The following PCDH19 variants were observed in gnomAD, a reference collection of about 807,000 sequenced individuals.
PCDH19 encodes protocadherin 19, also known as protocadherin-19.
Under a neutral mutation model 46.2 loss-of-function variants are expected in PCDH19, and 6 were observed. The ratio of observed to expected loss-of-function variants is 0.13; its 90% CI spans 0.07 to 0.26. PCDH19 has a LOEUF of 0.26. PCDH19 is among the 10% of genes least tolerant of loss of function. PCDH19 has a pLI of 1.00. For missense variants in PCDH19, 740 were observed against 972.3 expected (o/e 0.76, Z 3.18); for synonymous variants, 481 against 415.7 (o/e 1.16, Z -1.91).
chrX:100,389,321 T>C (rs1160134231), intron 3 of PCDH19, among the ~76,000 whole-genome samples: 1 of 109,912 alleles, frequency 9.1e-6, no homozygotes, highest in African/African-American at 3.3e-5. Flanking sequence ...ATTGAAGCAT[T>C]AATTAATGAA....
intron 1 of PCDH19, among the ~76,000 whole-genome samples, chrX:100,406,030 T>C (rs772805555): frequency 9.0e-6 from 1 of 110,498 alleles, no homozygotes; most frequent in Admixed American, 9.6e-5. Flanking sequence ...CAACACTCCC[T>C]CTCCTTTCAT....
chrX:100,409,841 G>T lies in PCDH19; in HGVS notation c.-1244C>A. 3.6e-6 allele frequency: 1 copy of T among 281,581 alleles called. No homozygotes were observed. The highest frequency in any genetic ancestry group is 6.2e-6 in the Non-Finnish European group (1 of 161,896). The allele number at this position is 281,581 out of a possible 1,213,427, so 23.2% of individuals were successfully genotyped here. A position where few individuals can be genotyped will look rare whatever the true frequency, so the allele number is the denominator to read the frequency against. ...GCCGCCGAAGTTTACTTGCAGGAGC[G>T]TCTTGATTTCATCTTCCCGGAGAGG... On this transcript the variant is annotated 5_prime_UTR_variant, in exon 1 of 6. Transcript: ENST00000373034.
chrX:100,406,980 G>A lies in PCDH19; in HGVS notation c.1618C>T (p.Leu540Phe), dbSNP rs374593325. ...EFKVLAKDGG[L>F]PSLQSNATVR... Reference sequence around the variant, plus strand: ...GTAGCGTTGCTTTGCAGTGAGGGAAGGCCGCCGTCCTTGGCCAGCACCTTG... The same window carrying A: ...GTAGCGTTGCTTTGCAGTGAGGGAAAGCCGCCGTCCTTGGCCAGCACCTTG... The change falls in exon 1 of 6, where the codon CTT becomes TTT. Residue 540 changes from leucine to phenylalanine, a missense_variant. Physicochemically the swap from Leu to Phe is conservative, Grantham distance 22. Coordinates refer to ENST00000373034, the MANE Select transcript of PCDH19 (RefSeq NM_001184880.2). The A allele has an allele frequency of 3.5e-4, 423 of 1,210,262 alleles. No individual in the cohort carries two copies. The South Asian group carries it at 6.3e-3, about 18-fold the overall frequency.
intron 3 of PCDH19, among the ~76,000 whole-genome samples, chrX:100,367,997 C>T (rs1927116278): frequency 9.0e-6 from 1 of 111,214 alleles, no homozygotes; most frequent in Non-Finnish European, 1.9e-5. Context: ...GAGAGAAAGA[C>T]AGAACGTAAG....
intron 5 of PCDH19, among the ~76,000 whole-genome samples, chrX:100,310,071 C>A (rs935591249): frequency 2.7e-5 from 3 of 112,111 alleles, no homozygotes; most frequent in African/African-American, 9.7e-5. Context: ...TAAAAAGATG[C>A]CCCTTTCAGA....
intron 3 of PCDH19, among the ~76,000 whole-genome samples, chrX:100,364,231 T>C (rs1019927522): frequency 4.5e-5 from 5 of 110,788 alleles, no homozygotes; most frequent in African/African-American, 1.6e-4. Context: ...CAGGGGCAAA[T>C]TGACCAGAGC....
chrX:100,312,063 A>G (rs756351909), intron 5 of PCDH19, among the ~76,000 whole-genome samples: 2 of 111,333 alleles, frequency 1.8e-5, no homozygotes, highest in African/African-American at 6.5e-5. Flanking sequence ...CTCTATTCAA[A>G]TATCAGTTTT....
At chrX:100,360,775 T>TAA (rs1926857152) in intron 3 of PCDH19, among the ~76,000 whole-genome samples, 1 of 111,989 alleles carries the variant, frequency 8.9e-6, no homozygotes, top group Non-Finnish European at 1.9e-5. Flanking sequence ...TCTAGCAACT[T>TAA]AAACAAGCAT....
At position 100,322,865 on chromosome X, in the gene PCDH19, A is replaced by ATATATATTTTTT; in HGVS notation, c.2848+19037_2848+19038insAAAAAATATATA. ...TATATATATATATATATATATATATATTTTTGCAGCTATTGTAAAAGGGGT... is the reference window on the plus strand; with the variant it reads ...TATATATATATATATATATATATATATATATATTTTTTTTTTTGCAGCTATTGTAAAAGGGGT... On this transcript the variant is annotated intron_variant, in intron 5 of 5. Transcript: ENST00000373034. Among the ~76,000 whole-genome samples, 57 of 54,406 alleles carry ATATATATTTTTT rather than the reference A, an allele frequency of 1.0e-3. 1 individual carries two copies. Among genetic ancestry groups the ATATATATTTTTT allele is most frequent in the Middle Eastern group, 0.013 (1 of 77 alleles). The allele number at this position is 54,406 out of a possible 115,157, so 47.2% of individuals were successfully genotyped here.
intron 5 of PCDH19, among the ~76,000 whole-genome samples, chrX:100,340,430 T>G (rs1226829183): frequency 8.9e-6 from 1 of 112,477 alleles, no homozygotes; most frequent in Non-Finnish European, 1.9e-5. Context: ...TTTCTTGATA[T>G]AAATGAAAAA....
rs1924470295 is a variant in PCDH19, at chrX:100,292,896, C to T, written c.*3381G>A. ...GGGGAACATTCAACATCAAAATGATCCCCAGAAAGTGGATTGGAATTCCAG... is the reference window on the plus strand; with the variant it reads ...GGGGAACATTCAACATCAAAATGATTCCCAGAAAGTGGATTGGAATTCCAG... On this transcript the variant is annotated 3_prime_UTR_variant, in exon 6 of 6. Transcript: ENST00000373034. The T allele has an allele frequency of 9.0e-6, 1 of 111,600 alleles. No individual in the cohort carries two copies. The highest frequency in any genetic ancestry group is 3.3e-5 in the African/African-American group (1 of 30,683). The allele number at this position is 111,600 out of a possible 1,213,427, so 9.2% of individuals were successfully genotyped here. A position where few individuals can be genotyped will look rare whatever the true frequency, so the allele number is the denominator to read the frequency against.
At chrX:100,344,864 C>A (rs1208083252) in intron 4 of PCDH19, among the ~76,000 whole-genome samples, 3 of 105,158 alleles carry the variant, frequency 2.9e-5, no homozygotes, top group Non-Finnish European at 5.8e-5. Flanking sequence ...CAGTAGTGAC[C>A]CCCACTTAAA....
Position 100,304,952 on chromosome X carries a change from G to A in PCDH19, c.2849-8077C>T, listed in dbSNP as rs1052779553. Among the ~76,000 whole-genome samples the A allele has an allele frequency of 2.7e-5, 3 of 111,925 alleles. No individual in the cohort carries two copies. The South Asian group carries it at 1.1e-3, about 42-fold the overall frequency. On this transcript the variant is annotated intron_variant, in intron 5 of 5. Coordinates refer to ENST00000373034, the MANE Select transcript of PCDH19 (RefSeq NM_001184880.2). ...TTAAGCATCCAAACCAAAGAATAAT[G>A]GGTGTTCCCAAGGAAGAAGAGAAAT...
intron 3 of PCDH19, among the ~76,000 whole-genome samples, chrX:100,389,836 T>C (rs1458842771): frequency 1.8e-5 from 2 of 112,078 alleles, no homozygotes; most frequent in African/African-American, 6.5e-5. Context: ...TCAGAGCTGC[T>C]GGTATTTTTC....
intron 3 of PCDH19, among the ~76,000 whole-genome samples, chrX:100,367,383 A>G (rs1018096943): frequency 8.9e-6 from 1 of 111,992 alleles, no homozygotes. Context: ...ATCTCAGTCT[A>G]TTTGTGCTAC....
chrX:100,368,409 A>G (rs1202664705), intron 3 of PCDH19, among the ~76,000 whole-genome samples: 1 of 111,597 alleles, frequency 9.0e-6, no homozygotes, highest in Non-Finnish European at 1.9e-5. Flanking sequence ...AGCCCTATGA[A>G]TAGAGAATAC....
chrX:100,359,593 T>A (rs1321468340), intron 3 of PCDH19, among the ~76,000 whole-genome samples: 1 of 111,156 alleles, frequency 9.0e-6, no homozygotes, highest in Non-Finnish European at 1.9e-5. Context: ...CCATATAAGA[T>A]CTCCCACAAG....
intron 5 of PCDH19, among the ~76,000 whole-genome samples, chrX:100,331,262 T>A (rs1162491204): frequency 8.9e-6 from 1 of 112,073 alleles, no homozygotes; most frequent in African/African-American, 3.2e-5. Flanking sequence ...TGATATTTCA[T>A]TAATAATCTC....
At chrX:100,379,390 T>A (rs948545785) in intron 3 of PCDH19, among the ~76,000 whole-genome samples, 7 of 110,176 alleles carry the variant, frequency 6.4e-5, no homozygotes, top group African/African-American at 2.0e-4. Flanking sequence ...TTTCCCTTTA[T>A]CTAGACAGTA....
Sources: allele counts gnomAD v4.1 joint callset (sites outside exome capture counted in the v4.1 genomes callset), GRCh38; gene constraint gnomAD v4.1.1; transcripts MANE v1.5; gene names NCBI Gene and HGNC (gene_info 2026-07-23, HGNC 2026-07-21).